The following SRSF1 variants were observed in gnomAD, a reference collection of about 807,000 sequenced individuals.
SRSF1 encodes serine/arginine-rich splicing factor 1.
In SRSF1, 1 loss-of-function variant was observed where a neutral mutation model predicts 25.9. The ratio of observed to expected loss-of-function variants is 0.04; its 90% CI spans 0.01 to 0.18. The LOEUF (loss-of-function observed/expected upper bound fraction) is 0.18, where lower values mean the gene tolerates loss of function less well. Ranked by LOEUF, SRSF1 falls within the 10% of genes least tolerant of loss-of-function variation. The pLI, the probability that SRSF1 is intolerant of heterozygous loss-of-function variation, is 1.00. For synonymous variants in SRSF1, 132 were observed against 126.2 expected (o/e 1.05, Z -0.31); for missense variants, 65 against 350.5 (o/e 0.19, Z 6.50).
rs2075398528 is a variant in SRSF1, at chr17:58,002,477, C to T, written c.*2929G>A. ...AAAGTCTATTTATTTTAGGTCCCCT[C>T]CCCCAACCTAAATAGTACCAAGGGG... On this transcript the variant is annotated 3_prime_UTR_variant, in exon 4 of 4. Coordinates refer to ENST00000258962, the MANE Select transcript of SRSF1 (RefSeq NM_006924.5). Among the ~76,000 whole-genome samples, 1 of 152,164 alleles carries T rather than the reference C, an allele frequency of 6.6e-6. No homozygotes were observed. Among genetic ancestry groups the T allele is most frequent in the African/African-American group, 2.4e-5 (1 of 41,442 alleles).
the SRSF1 span, chr17:57,989,699 C>G: frequency 2.5e-6 from 1 of 398,638 alleles, no homozygotes; most frequent in South Asian, 1.3e-4. Flanking sequence ...AGAGCTGATT[C>G]CCCATTGGAT....
rs914280517 is a variant in SRSF1, at chr17:58,000,958, A to G, written c.*4448T>C. On this transcript the variant is annotated 3_prime_UTR_variant, in exon 4 of 4. Transcript: ENST00000258962. ...CACATTTAATTAGCTCAACAACAGA[A>G]AATCTTTTGTTTTCGTAGTTTTTGG... Among the ~76,000 whole-genome samples the G allele has an allele frequency of 2.0e-5, 3 of 152,164 alleles. No individual in the cohort carries two copies. The highest frequency in any genetic ancestry group is 7.2e-5 in the African/African-American group (3 of 41,458).
downstream of SRSF1, among the ~76,000 whole-genome samples, chr17:57,998,794 CTT>C (rs1199224845): frequency 6.6e-6 from 1 of 152,194 alleles, no homozygotes; most frequent in Non-Finnish European, 1.5e-5. Flanking sequence ...AAGAAGTCCA[CTT>C]TGTCCACTTT....
the SRSF1 span, chr17:57,994,967 T>C: frequency 6.6e-6 from 1 of 152,204 alleles, no homozygotes; most frequent in Non-Finnish European, 1.5e-5. Context: ...GAAATAATTA[T>C]AAAACAGTTA....
rs546777787 is a variant in SRSF1 at position 58,006,546 on chromosome 17, T to C, written c.195-19A>G. 5 of 1,602,448 alleles carry C rather than the reference T, an allele frequency of 3.1e-6. No homozygotes were observed. In the Admixed American group the frequency reaches 6.8e-5, roughly 22 times the overall value. On this transcript the variant is annotated intron_variant, in intron 1 of 3. Transcript: ENST00000258962. ...CGCGTCTCTGCGGGATCGCAGAAAGTAAAAGGGATGAGAAACACCAGGAGG... is the reference window on the plus strand; with the variant it reads ...CGCGTCTCTGCGGGATCGCAGAAAGCAAAAGGGATGAGAAACACCAGGAGG...
chr17:57,993,389 C>CAGAAAAAAAAAA, the SRSF1 span: 2 of 123,256 alleles, frequency 1.6e-5, no homozygotes, highest in African/African-American at 6.4e-5. Context: ...GACTCCGTCT[C>CAGAAAAAAAAAA]AAAAAAAAAA....
Position 58,005,985 on chromosome 17 carries a change from AT to A in SRSF1, c.380-13del, listed in dbSNP as rs753460117. ...ACTTGGAGGCAGTCCTGAAAAAGTG[AT>A]TTTTTTTTTCTTAGTACCAATTATC... On this transcript the variant is annotated splice_polypyrimidine_tract_variant and intron_variant, in intron 2 of 3. Coordinates refer to ENST00000258962, the MANE Select transcript of SRSF1 (RefSeq NM_006924.5). The surrounding 1 kb of genome is among the most constrained non-coding windows in gnomAD (Gnocchi z 5.2). The A allele has an allele frequency of 1.8e-4, 274 of 1,565,190 alleles. No homozygotes were observed. Among genetic ancestry groups the A allele is most frequent in the African/African-American group, 2.6e-4 (19 of 73,342 alleles).
downstream of SRSF1, among the ~76,000 whole-genome samples, chr17:58,000,541 G>A (rs573359098): frequency 6.6e-6 from 1 of 152,216 alleles, no homozygotes; most frequent in Non-Finnish European, 1.5e-5. Flanking sequence ...GGATATAATT[G>A]TTGAGTCCAC....
At chr17:57,995,781 T>C in the SRSF1 span, among the ~76,000 whole-genome samples, 329 of 152,370 alleles carry the variant, frequency 2.2e-3, 1 homozygote, top group African/African-American at 7.7e-3. Context: ...CCTGCCCCTT[T>C]AACATCTCTG....
At position 58,007,176 on chromosome 17, in the gene SRSF1, C is replaced by T. The variant is rs1249917678; in HGVS notation, c.-39G>A. 2 of 1,609,092 alleles carry T rather than the reference C, an allele frequency of 1.2e-6. No homozygotes were observed. The highest frequency in any genetic ancestry group is 1.3e-5 in the African/African-American group (1 of 75,016). On this transcript the variant is annotated 5_prime_UTR_variant, in exon 1 of 4. Coordinates refer to ENST00000258962, the MANE Select transcript of SRSF1 (RefSeq NM_006924.5). Reference sequence around the variant, plus strand: ...AGCGCGGACTCGAGAACAGGCCTTCCCACCAAGCCTAGCGCACGGCAGAGC... The same window carrying T: ...AGCGCGGACTCGAGAACAGGCCTTCTCACCAAGCCTAGCGCACGGCAGAGC...
Position 58,005,761 on chromosome 17 carries a change from T to A in SRSF1, c.552+40A>T. On this transcript the variant is annotated intron_variant, in intron 3 of 3. Coordinates refer to ENST00000258962, the MANE Select transcript of SRSF1 (RefSeq NM_006924.5). The surrounding 1 kb of genome is among the most constrained non-coding windows in gnomAD (Gnocchi z 5.2). ...AAATTCCACTGTTAAGACCACTGTA[T>A]CCAATTCTGGTCAAAGAAAAGAATA... is the stretch of plus-strand genomic sequence containing the variant. 1 of 1,614,174 alleles carries A rather than the reference T, an allele frequency of 6.2e-7. No individual in the cohort carries two copies.
At chr17:57,998,958 A>G (rs16942570), downstream of SRSF1, among the ~76,000 whole-genome samples, 1,164 of 152,352 alleles carry the variant, frequency 7.6e-3, 11 homozygotes, top group African/African-American at 0.027. Context: ...AACAGGAGAC[A>G]AGTTTGTGTC....
chr17:57,993,471 G>A, the SRSF1 span: 1 of 151,834 alleles, frequency 6.6e-6, no homozygotes, highest in Non-Finnish European at 1.5e-5. Context: ...CTGCTGCGCT[G>A]GTTATTAAAA....
In SRSF1 at chr17:58,001,751, T is replaced by C. The variant is rs2075392578; in HGVS notation, c.*3655A>G. ...CCTAAAGGTCCATTTTCTGAGACTA[T>C]AAATAGGAGCAGTCCATACTTCCCA... is the stretch of plus-strand genomic sequence containing the variant. On this transcript the variant is annotated 3_prime_UTR_variant, in exon 4 of 4. Transcript: ENST00000258962. 6.6e-6 allele frequency among the ~76,000 whole-genome samples: 1 copy of C among 152,208 alleles called. No individual in the cohort carries two copies. Among genetic ancestry groups the C allele is most frequent in the South Asian group, 2.1e-4 (1 of 4,832 alleles).
At chr17:57,989,397 C>G in the SRSF1 span, 2 of 397,952 alleles carry the variant, frequency 5.0e-6, no homozygotes, top group Non-Finnish European at 8.8e-6. Context: ...AGAAAAAATT[C>G]TTCAGATGGA....
chr17:57,996,316 C>G (rs9900670), downstream of SRSF1, among the ~76,000 whole-genome samples: 1 of 151,874 alleles, frequency 6.6e-6, no homozygotes, highest in African/African-American at 2.4e-5. Context: ...AACCCTGTCT[C>G]TACTAAAAAT....
Position 58,001,732 on chromosome 17 carries a change from G to A in SRSF1, c.*3674C>T, listed in dbSNP as rs1304722805. ...TTGCCAATACGGATAGAGACCTAAA[G>A]GTCCATTTTCTGAGACTATAAATAG... On this transcript the variant is annotated 3_prime_UTR_variant, in exon 4 of 4. Coordinates refer to ENST00000258962, the MANE Select transcript of SRSF1 (RefSeq NM_006924.5). Among the ~76,000 whole-genome samples, 1 of 152,156 alleles carries A rather than the reference G, an allele frequency of 6.6e-6. No individual in the cohort carries two copies. The highest frequency in any genetic ancestry group is 2.4e-5 in the African/African-American group (1 of 41,428).
At chr17:58,006,773 C>G in intron 1 of SRSF1, 171 bp downstream of exon 1, 1 of 942,674 alleles carries the variant, frequency 1.1e-6, no homozygotes. Context: ...GGCGAGGCGC[C>G]AGAGAAGCCA....
Position 58,002,325 on chromosome 17 carries a change from G to A in SRSF1, c.*3081C>T, listed in dbSNP as rs1435074219. On this transcript the variant is annotated 3_prime_UTR_variant, in exon 4 of 4. Transcript: ENST00000258962. ...TCCACAACGTTCATTAAAATCTACC[G>A]ATTGGGGTGACCTTACACATTTCTT... Among the ~76,000 whole-genome samples, 3 of 152,124 alleles carry A rather than the reference G, an allele frequency of 2.0e-5. No individual in the cohort carries two copies. The highest frequency in any genetic ancestry group is 4.4e-5 in the Non-Finnish European group (3 of 68,028).
Sources: gnomAD v4.1 joint callset for allele counts (sites outside exome capture counted in the v4.1 genomes callset) on GRCh38, gnomAD v4.1.1 for gene constraint, Gnocchi (gnomAD v3.1) non-coding constraint, MANE v1.5 for transcripts, NCBI Gene and HGNC (gene_info 2026-07-23, HGNC 2026-07-21) for gene names.